The following AFG2A variants were observed in gnomAD, a reference collection of about 807,000 sequenced individuals.
The protein encoded by AFG2A is ATPase family gene 2 protein homolog A.
the AFG2A span, among the ~76,000 whole-genome samples, chr4:122,966,747 T>C: frequency 6.6e-6 from 1 of 152,230 alleles, no homozygotes; most frequent in East Asian, 1.9e-4. Context: ...GTTCTTTCCA[T>C]GTCACAGTAC....
chr4:123,025,791 A>C, the AFG2A span, among the ~76,000 whole-genome samples: 1 of 152,148 alleles, frequency 6.6e-6, no homozygotes, highest in Non-Finnish European at 1.5e-5. Context: ...TTTGACCATC[A>C]AGCAGCAGTT....
At chr4:123,303,904 A>T in the AFG2A span, among the ~76,000 whole-genome samples, 4 of 150,178 alleles carry the variant, frequency 2.7e-5, no homozygotes, top group Non-Finnish European at 5.9e-5. Context: ...AGATTGTATG[A>T]CTTTAACATA....
chr4:123,208,077 G>T, the AFG2A span, among the ~76,000 whole-genome samples: 2 of 152,142 alleles, frequency 1.3e-5, no homozygotes, highest in African/African-American at 2.4e-5. Flanking sequence ...CATAAGAATA[G>T]ACTATATGTA....
chr4:123,020,950 C>T, the AFG2A span, among the ~76,000 whole-genome samples: 5 of 152,196 alleles, frequency 3.3e-5, no homozygotes, highest in Middle Eastern at 3.4e-3. Context: ...ATAAACATTA[C>T]GATTTTTTTC....
the AFG2A span, among the ~76,000 whole-genome samples, chr4:122,929,477 T>A: frequency 6.6e-6 from 1 of 152,160 alleles, no homozygotes; most frequent in Non-Finnish European, 1.5e-5. Context: ...GTGGATTACT[T>A]GAGCTCAGGA....
At chr4:123,251,920 T>TA in the AFG2A span, among the ~76,000 whole-genome samples, 3 of 152,260 alleles carry the variant, frequency 2.0e-5, no homozygotes, top group Admixed American at 2.0e-4. Context: ...GATTGATATA[T>TA]ATTTGATAGA....
the AFG2A span, among the ~76,000 whole-genome samples, chr4:123,107,800 C>T: frequency 6.6e-6 from 1 of 152,228 alleles, no homozygotes. Flanking sequence ...TTCAAGGTGG[C>T]TGGGGGCTGG....
At chr4:123,234,498 C>G in the AFG2A span, among the ~76,000 whole-genome samples, 2 of 152,040 alleles carry the variant, frequency 1.3e-5, no homozygotes, top group African/African-American at 4.8e-5. Context: ...TTTGCTTATT[C>G]TAAGCTCTGC....
At chr4:123,302,248 G>C in the AFG2A span, among the ~76,000 whole-genome samples, 4 of 152,070 alleles carry the variant, frequency 2.6e-5, no homozygotes, top group Non-Finnish European at 5.9e-5. Context: ...GACATCCCCT[G>C]TCCTCCTCTC....
chr4:122,978,803 C>T, the AFG2A span, among the ~76,000 whole-genome samples: 3 of 152,240 alleles, frequency 2.0e-5, no homozygotes, highest in Admixed American at 6.5e-5. Context: ...AGCACATGAA[C>T]ACCTAGGTGG....
the AFG2A span, among the ~76,000 whole-genome samples, chr4:123,037,326 CAT>C: frequency 6.6e-6 from 1 of 152,048 alleles, no homozygotes; most frequent in African/African-American, 2.4e-5. Context: ...AATATTTTCA[CAT>C]GTGTTTATGA....
At chr4:122,995,594 G>T in the AFG2A span, among the ~76,000 whole-genome samples, 1 of 152,106 alleles carries the variant, frequency 6.6e-6, no homozygotes, top group Admixed American at 6.6e-5. Flanking sequence ...GGAAAAATGG[G>T]AGAGATAGCA....
the AFG2A span, among the ~76,000 whole-genome samples, chr4:122,974,589 C>T: frequency 1.3e-5 from 2 of 152,068 alleles, no homozygotes; most frequent in Non-Finnish European, 2.9e-5. Flanking sequence ...GGCTGCCCAG[C>T]GTTGCAAGAA....
chr4:123,277,139 T>C, the AFG2A span, among the ~76,000 whole-genome samples: 1 of 152,150 alleles, frequency 6.6e-6, no homozygotes, highest in Non-Finnish European at 1.5e-5. Flanking sequence ...TATTTTTGTG[T>C]CATCTTTGAT....
the AFG2A span, among the ~76,000 whole-genome samples, chr4:123,175,132 C>T: frequency 6.6e-6 from 1 of 152,078 alleles, no homozygotes; most frequent in Non-Finnish European, 1.5e-5. Context: ...TGCAAAAGCA[C>T]AAACTATCAG....
chr4:122,939,071 CTT>C, the AFG2A span, among the ~76,000 whole-genome samples: 40,934 of 74,622 alleles, frequency 0.55, 15,518 homozygotes, highest in East Asian at 0.7. Flanking sequence ...GGGATATGTT[CTT>C]TCTTTTTTTT....
chr4:123,115,327 C>T, the AFG2A span, among the ~76,000 whole-genome samples: 1 of 152,058 alleles, frequency 6.6e-6, no homozygotes, highest in East Asian at 1.9e-4. Flanking sequence ...TGGGGTGGAT[C>T]CTGGGGTTGC....
the AFG2A span, among the ~76,000 whole-genome samples, chr4:123,125,278 ATTC>A: frequency 2.1e-4 from 32 of 152,300 alleles, no homozygotes; most frequent in Non-Finnish European, 4.3e-4. Context: ...TTAATTTATC[ATTC>A]TTCTTTCAGG....
chr4:122,926,048 CTG>C, the AFG2A span, among the ~76,000 whole-genome samples: 15 of 152,300 alleles, frequency 9.8e-5, no homozygotes, highest in African/African-American at 3.6e-4. Flanking sequence ...GAGAAGGGAA[CTG>C]TGTGGACAAC....
Sources: gnomAD v4.1 joint callset for allele counts (sites outside exome capture counted in the v4.1 genomes callset) on GRCh38, gnomAD v4.1.1 for gene constraint, MANE v1.5 for transcripts, NCBI Gene and HGNC (gene_info 2026-07-23, HGNC 2026-07-21) for gene names.